Variants in TSPEAR observed in about 807,000 individuals in gnomAD.
The protein encoded by TSPEAR is thrombospondin-type laminin G domain and EAR repeat-containing protein.
A neutral mutation model predicts 71.6 loss-of-function variants in TSPEAR; 69 were observed. The observed-to-expected ratio is 0.96, with a 90% CI of 0.79 to 1.18. TSPEAR has a LOEUF of 1.18. TSPEAR is among the 50% of genes most tolerant of loss of function. TSPEAR has a pLI of 0.00. For synonymous variants in TSPEAR, 402 were observed against 387.2 expected (o/e 1.04, Z -0.45); for missense variants, 971 against 894.9 (o/e 1.09, Z -1.09).
chr21:44,552,460 G>C (rs941265438), intron 2 of TSPEAR, among the ~76,000 whole-genome samples: 1 of 152,150 alleles, frequency 6.6e-6, no homozygotes, highest in South Asian at 2.1e-4. Context: ...GGCAGCCTGG[G>C]ACGGGCTTTC....
At chr21:44,704,281 T>C (rs1196887824) in intron 1 of TSPEAR, among the ~76,000 whole-genome samples, 1 of 140,672 alleles carries the variant, frequency 7.1e-6, no homozygotes, top group Non-Finnish European at 1.6e-5. Context: ...GTCCCTACCA[T>C]GGAACACGGG....
chr21:44,680,059 C>T (rs2146294719), intron 1 of TSPEAR, among the ~76,000 whole-genome samples: 1 of 152,224 alleles, frequency 6.6e-6, no homozygotes, highest in Non-Finnish European at 1.5e-5. Context: ...AACTGAAAAG[C>T]TCTGCACAGC....
At chr21:44,634,075 G>C (rs953291563) in intron 1 of TSPEAR, among the ~76,000 whole-genome samples, 15 of 152,052 alleles carry the variant, frequency 9.9e-5, no homozygotes, top group Non-Finnish European at 2.9e-5. Flanking sequence ...TAAGACCCTG[G>C]TCCCTAAAAA....
Position 44,525,941 on chromosome 21 carries a change from G to A in TSPEAR, c.1150-102C>T, listed in dbSNP as rs2052846997. 1.3e-5 allele frequency: 16 copies of A among 1,208,584 alleles called. No individual in the cohort carries two copies. In the East Asian group the frequency reaches 1.4e-4, roughly 11 times the overall value. The allele number at this position is 1,208,584 out of a possible 1,614,324, so 74.9% of individuals were successfully genotyped here. ...CATCAGCATCTCTCTCCAGATCCACGGCTGCTACGTGGTGCAGGGACAGAG... is the reference window on the plus strand; with the variant it reads ...CATCAGCATCTCTCTCCAGATCCACAGCTGCTACGTGGTGCAGGGACAGAG... On this transcript the variant is annotated intron_variant, in intron 7 of 11. Transcript: ENST00000323084.
Position 44,682,069 on chromosome 21 carries a change from G to A in TSPEAR, c.82+29364C>T. 3 of 1,614,000 alleles carry A rather than the reference G, an allele frequency of 1.9e-6. No homozygotes were observed. The Admixed American group carries it at 5.0e-5, about 27-fold the overall frequency. ...GGGATGTAACAGGATGCCTGGCAGG[G>A]GCTGGGCGCGCAGCAGGCTGGCTGG... On this transcript the variant is annotated intron_variant, in intron 1 of 11. Coordinates refer to ENST00000323084, the MANE Select transcript of TSPEAR (RefSeq NM_144991.3).
chr21:44,617,764 A>T (rs782193928), intron 1 of TSPEAR, among the ~76,000 whole-genome samples: 1 of 152,246 alleles, frequency 6.6e-6, no homozygotes, highest in Non-Finnish European at 1.5e-5. Context: ...AACACGCTGC[A>T]CTTGATGTCT....
intron 2 of TSPEAR, among the ~76,000 whole-genome samples, chr21:44,562,495 A>T (rs1161985655): frequency 5.9e-5 from 9 of 152,170 alleles, no homozygotes; most frequent in Non-Finnish European, 1.5e-5. Flanking sequence ...TTATTGAAAA[A>T]CATTAATCTA....
At chr21:44,688,615 G>A (rs975399342) in intron 1 of TSPEAR, among the ~76,000 whole-genome samples, 17 of 152,056 alleles carry the variant, frequency 1.1e-4, no homozygotes, top group African/African-American at 4.1e-4. Context: ...AGCTAGTCAG[G>A]AGGCTGAGGC....
At chr21:44,666,286 T>C (rs1246010706) in intron 1 of TSPEAR, 8 of 937,398 alleles carry the variant, frequency 8.5e-6, no homozygotes, top group Non-Finnish European at 1.3e-5. Flanking sequence ...CAGCAAGGGC[T>C]CCAGATCATT....
Position 44,689,712 on chromosome 21 carries a change from A to ATATATATAT in TSPEAR, c.82+21720_82+21721insATATATATA, listed in dbSNP as rs1555949491. 6.6e-3 allele frequency among the ~76,000 whole-genome samples: 411 copies of ATATATATAT among 62,024 alleles called. 61 individuals carry two copies. Among genetic ancestry groups the ATATATATAT allele is most frequent in the African/African-American group, 0.017 (217 of 12,450 alleles). The allele number at this position is 62,024 out of a possible 152,430, so 40.7% of individuals were successfully genotyped here. On this transcript the variant is annotated intron_variant, in intron 1 of 11. Transcript: ENST00000323084. ...TCCCTTAGAGGGACAGAATAGAATG[A>ATATATATAT]ATATATATATATATATATATATATA... is the stretch of plus-strand genomic sequence containing the variant.
chr21:44,558,852 C>A, intron 2 of TSPEAR: 1 of 1,194,654 alleles, frequency 8.4e-7, no homozygotes, highest in Non-Finnish European at 1.2e-6. Context: ...TTGTGCTGCC[C>A]CTGCCTGGCT....
rs138480801 is a variant in TSPEAR, at chr21:44,499,878, C to T, written c.1915G>A (p.Asp639Asn). ...GCCGTGGTGCTGAAGGCCTCCCAGT[C>T]CCTGCAGCCGACGGTGGGGAGGCTG... Reference protein sequence around the residue: ...VHSLPTVGCRDWEAFSTTAGA... With the variant: ...VHSLPTVGCRNWEAFSTTAGA... The change falls in exon 12 of 12, where the codon GAC (aspartate) becomes AAC (asparagine). Residue 639 changes from aspartate (D) to asparagine (N), a missense_variant. Physicochemically the swap from Asp to Asn is conservative, Grantham distance 23. Coordinates refer to ENST00000323084, the MANE Select transcript of TSPEAR (RefSeq NM_144991.3). 6,086 of 1,606,932 alleles carry T rather than the reference C, an allele frequency of 3.8e-3. 19 individuals carry two copies. Among genetic ancestry groups the T allele is most frequent in the Non-Finnish European group, 4.7e-3 (5,501 of 1,177,650 alleles).
intron 1 of TSPEAR, among the ~76,000 whole-genome samples, chr21:44,569,682 G>A (rs1395283195): frequency 6.6e-6 from 1 of 152,204 alleles, no homozygotes; most frequent in Non-Finnish European, 1.5e-5. Context: ...TAGAGTGTGA[G>A]GAGGCTTTGC....
At chr21:44,515,273 G>A (rs1409693808) in intron 9 of TSPEAR, among the ~76,000 whole-genome samples, 1 of 152,264 alleles carries the variant, frequency 6.6e-6, no homozygotes, top group African/African-American at 2.4e-5. Context: ...TTTGAAAGAT[G>A]AGGCTCAGGC....
At chr21:44,658,249 C>A (rs1985282338) in intron 1 of TSPEAR, 1 of 1,613,754 alleles carries the variant, frequency 6.2e-7, no homozygotes, top group Non-Finnish European at 8.5e-7. Context: ...CCATCTCCTG[C>A]AGCACCCCTT....
chr21:44,693,468 T>C (rs1555950019), intron 1 of TSPEAR, among the ~76,000 whole-genome samples: 1 of 152,108 alleles, frequency 6.6e-6, no homozygotes, highest in Non-Finnish European at 1.5e-5. Flanking sequence ...TGACTGTGAC[T>C]CAACAACAAA....
At chr21:44,557,901 C>T in intron 2 of TSPEAR, 1 of 950,812 alleles carries the variant, frequency 1.1e-6, no homozygotes, top group African/African-American at 1.7e-5. Context: ...AGATGCATGC[C>T]TGGAGGGAAT....
At chr21:44,512,786 G>C (rs933331598) in intron 9 of TSPEAR, among the ~76,000 whole-genome samples, 6 of 152,206 alleles carry the variant, frequency 3.9e-5, no homozygotes, top group African/African-American at 1.2e-4. Context: ...TGTCAGCTGT[G>C]GGGGTGGGCA....
rs1056741623 is a variant in TSPEAR at position 44,695,098 on chromosome 21, T to C, written c.82+16335A>G. Among the ~76,000 whole-genome samples, 25 of 152,328 alleles carry C rather than the reference T, an allele frequency of 1.6e-4. No individual in the cohort carries two copies. Among genetic ancestry groups the C allele is most frequent in the African/African-American group, 6.0e-4 (25 of 41,582 alleles). On this transcript the variant is annotated intron_variant, in intron 1 of 11. Transcript: ENST00000323084. The surrounding 1 kb of genome is among the most constrained non-coding windows in gnomAD (Gnocchi z 4.5). ...TTAACCCAGATGTCCCCAGATCCTC[T>C]GGCCTTCTGAGGTCACTCTTTATAA...
Sources: allele counts gnomAD v4.1 joint callset (sites outside exome capture counted in the v4.1 genomes callset), GRCh38; gene constraint gnomAD v4.1.1; non-coding constraint Gnocchi (gnomAD v3.1); transcripts MANE v1.5; gene names NCBI Gene and HGNC (gene_info 2026-07-23, HGNC 2026-07-21).